Variants in CHST11 observed in about 807,000 individuals in gnomAD.
CHST11 encodes carbohydrate sulfotransferase 11.
In CHST11, 9 loss-of-function variants were observed where a neutral mutation model predicts 30.4. The observed-to-expected ratio is 0.30, with a 90% confidence interval of 0.18 to 0.52. The LOEUF is 0.52. CHST11 is among the 20% of genes least tolerant of loss of function. The probability of loss-of-function intolerance (pLI) is 0.97; values close to 1 mark genes in which losing one functional copy is unlikely to be tolerated. For missense variants in CHST11, 348 were observed against 460.6 expected (o/e 0.76, Z 2.24); for synonymous variants, 152 against 187.8 (o/e 0.81, Z 1.56).
At chr12:104,530,684 ACTTCC>A (rs2038174619) in intron 1 of CHST11, among the ~76,000 whole-genome samples, 1 of 152,390 alleles carries the variant, frequency 6.6e-6, no homozygotes, top group African/African-American at 2.4e-5. Context: ...ACTTTTGTGA[ACTTCC>A]ACTGAAGATG....
intron 1 of CHST11, among the ~76,000 whole-genome samples, chr12:104,476,779 G>A (rs1223489908): frequency 6.6e-6 from 1 of 151,780 alleles, no homozygotes; most frequent in Non-Finnish European, 1.5e-5. Context: ...TGATTAAGCT[G>A]TCATCCAGAT....
chr12:104,708,085 C>G (rs751073694), intron 2 of CHST11, among the ~76,000 whole-genome samples: 1 of 152,344 alleles, frequency 6.6e-6, no homozygotes, highest in East Asian at 1.9e-4. Context: ...TTCTCCTCCC[C>G]GGGGAGATTG....
chr12:104,572,608 C>T (rs762287804), intron 1 of CHST11, among the ~76,000 whole-genome samples: 22 of 151,774 alleles, frequency 1.4e-4, no homozygotes, highest in Admixed American at 2.6e-4. Context: ...TCTCTCTTTT[C>T]TTCTTTATTA....
intron 2 of CHST11, among the ~76,000 whole-genome samples, chr12:104,681,828 T>C (rs2039798898): frequency 8.4e-5 from 3 of 35,846 alleles, no homozygotes; most frequent in Non-Finnish European, 2.6e-4. Flanking sequence ...TGTTTTGCTT[T>C]TTTTTTTTTT....
At position 104,622,488 on chromosome 12, in the gene CHST11, A is replaced by G. The variant is rs144233576; in HGVS notation, c.204+20497A>G. ...TTCATTGAAACTCACAATTCTCTCAAGGTTGGCAGGGGAGATATTATCTTC... is the reference window on the plus strand; with the variant it reads ...TTCATTGAAACTCACAATTCTCTCAGGGTTGGCAGGGGAGATATTATCTTC... On this transcript the variant is annotated intron_variant, in intron 2 of 2. Coordinates refer to ENST00000303694, the MANE Select transcript of CHST11 (RefSeq NM_018413.6). Among the ~76,000 whole-genome samples, 655 of 152,324 alleles carry G rather than the reference A, an allele frequency of 4.3e-3. 6 individuals carry two copies. The highest frequency in any genetic ancestry group is 0.015 in the African/African-American group (621 of 41,556).
chr12:104,474,326 A>G (rs991863817), intron 1 of CHST11, among the ~76,000 whole-genome samples: 1 of 152,260 alleles, frequency 6.6e-6, no homozygotes, highest in Non-Finnish European at 1.5e-5. Context: ...TAATTGTAAT[A>G]AAACAGCTTT....
chr12:104,523,995 G>T (rs1592745140), intron 1 of CHST11, among the ~76,000 whole-genome samples: 1 of 151,104 alleles, frequency 6.6e-6, no homozygotes, highest in East Asian at 1.9e-4. Context: ...CAACCTCAAA[G>T]CTGCAGTGTT....
At chr12:104,722,155 A>AGGGTGTGTGT (rs1555247508) in intron 2 of CHST11, among the ~76,000 whole-genome samples, 1 of 137,482 alleles carries the variant, frequency 7.3e-6, no homozygotes, top group Non-Finnish European at 1.5e-5. Flanking sequence ...CACTCAGCTA[A>AGGGTGTGTGT]GTGTGTGTGT....
intron 2 of CHST11, among the ~76,000 whole-genome samples, chr12:104,740,104 G>C (rs1432465360): frequency 6.6e-6 from 1 of 152,148 alleles, no homozygotes; most frequent in African/African-American, 2.4e-5. Flanking sequence ...AGTTTTAGTA[G>C]GGTCACTGGC....
intron 2 of CHST11, among the ~76,000 whole-genome samples, chr12:104,630,443 A>G (rs543798354): frequency 3.3e-5 from 5 of 152,240 alleles, no homozygotes; most frequent in Non-Finnish European, 5.9e-5. Flanking sequence ...TGTTACAACC[A>G]TAAAGATGAG....
At chr12:104,588,658 T>G (rs1247495795) in intron 1 of CHST11, among the ~76,000 whole-genome samples, 1 of 152,258 alleles carries the variant, frequency 6.6e-6, no homozygotes, top group Admixed American at 6.5e-5. Context: ...CGGTGATGTT[T>G]GACCTAAGGT....
At chr12:104,554,746 T>G (rs2038438710) in intron 1 of CHST11, among the ~76,000 whole-genome samples, 1 of 152,230 alleles carries the variant, frequency 6.6e-6, no homozygotes, top group African/African-American at 2.4e-5. Context: ...CTTCCATGAC[T>G]TAAAAACAGG....
chr12:104,731,396 T>C (rs1450126596), intron 2 of CHST11, among the ~76,000 whole-genome samples: 2 of 152,208 alleles, frequency 1.3e-5, no homozygotes, highest in East Asian at 1.9e-4. Context: ...GAGGTGGCTG[T>C]CTATGCTGCT....
At chr12:104,479,117 T>C (rs575267660) in intron 1 of CHST11, among the ~76,000 whole-genome samples, 2 of 151,982 alleles carry the variant, frequency 1.3e-5, no homozygotes, top group East Asian at 3.9e-4. Flanking sequence ...AGAAATTGGA[T>C]GCAACTCCTT....
chr12:104,644,535 C>T (rs2039407846), intron 2 of CHST11, among the ~76,000 whole-genome samples: 1 of 152,254 alleles, frequency 6.6e-6, no homozygotes, highest in East Asian at 1.9e-4. Context: ...GTGGTGCTGC[C>T]TGGGCATCCT....
intron 2 of CHST11, among the ~76,000 whole-genome samples, chr12:104,647,618 T>C (rs1410169110): frequency 2.0e-5 from 3 of 152,250 alleles, no homozygotes; most frequent in Admixed American, 2.0e-4. Flanking sequence ...CTAAATATCG[T>C]TTCAAAATAA....
At chr12:104,752,919 A>G (rs1053648936) in intron 2 of CHST11, among the ~76,000 whole-genome samples, 16 of 152,150 alleles carry the variant, frequency 1.1e-4, no homozygotes, top group African/African-American at 3.4e-4. Flanking sequence ...CATTCACTCA[A>G]CCAACACTTA....
rs139060556 is a variant in CHST11 at position 104,714,584 on chromosome 12, G to A, written c.205-42365G>A. Among the ~76,000 whole-genome samples, 675 of 152,086 alleles carry A rather than the reference G, an allele frequency of 4.4e-3. 6 individuals are homozygous for A. Among genetic ancestry groups the A allele is most frequent in the African/African-American group, 0.015 (639 of 41,452 alleles). On this transcript the variant is annotated intron_variant, in intron 2 of 2. Transcript: ENST00000303694. ...GATGATGATGATGATGATGGTGACGGTGATGATGACAAGGACAATAATGAG... is the reference window on the plus strand; with the variant it reads ...GATGATGATGATGATGATGGTGACGATGATGATGACAAGGACAATAATGAG...
intron 1 of CHST11, among the ~76,000 whole-genome samples, chr12:104,582,833 A>G: frequency 6.6e-6 from 1 of 151,232 alleles, no homozygotes; most frequent in Non-Finnish European, 1.5e-5. Flanking sequence ...GGAACTCCAA[A>G]TGTCTTCTGC....
Sources: gnomAD v4.1 joint callset for allele counts (sites outside exome capture counted in the v4.1 genomes callset) on GRCh38, gnomAD v4.1.1 for gene constraint, MANE v1.5 for transcripts, NCBI Gene and HGNC (gene_info 2026-07-23, HGNC 2026-07-21) for gene names.